The following BLK variants were observed in gnomAD, a reference collection of about 807,000 sequenced individuals.
BLK encodes the protein tyrosine-protein kinase Blk.
In BLK, 64 loss-of-function variants were observed where a neutral mutation model predicts 61.8. The observed-to-expected ratio is 1.03, with a 90% CI of 0.85 to 1.27. BLK has a LOEUF of 1.27. BLK is among the 50% of genes most tolerant of loss of function. The pLI, the probability that BLK is intolerant of heterozygous loss-of-function variation, is 0.00. For missense variants in BLK, 853 were observed against 660.5 expected, an observed-to-expected ratio of 1.29 and a Z score of -3.19; for synonymous variants, 351 against 272.0, an observed-to-expected ratio of 1.29 and a Z score of -2.86.
intron 8 of BLK, chr8:11,555,900 A>C (rs560646470): frequency 4.4e-4 from 145 of 332,696 alleles, no homozygotes; most frequent in Non-Finnish European, 7.5e-4. Flanking sequence ...GACTTTGGCC[A>C]AGTCACTGAA....
At chr8:11,526,963 CT>C (rs1799680248) in intron 1 of BLK, among the ~76,000 whole-genome samples, 1 of 152,120 alleles carries the variant, frequency 6.6e-6, no homozygotes, top group Non-Finnish European at 1.5e-5. Flanking sequence ...TTTATGAAGC[CT>C]CTTTCGTTTT....
At chr8:11,550,512 A>G (rs1415926028) in intron 6 of BLK, among the ~76,000 whole-genome samples, 2 of 152,242 alleles carry the variant, frequency 1.3e-5, no homozygotes, top group African/African-American at 4.8e-5. Flanking sequence ...CCCACGCCAG[A>G]CTGGCCCTGC....
chr8:11,542,640 C>T (rs894970366), intron 1 of BLK, among the ~76,000 whole-genome samples: 2 of 152,198 alleles, frequency 1.3e-5, no homozygotes, highest in Non-Finnish European at 2.9e-5. Context: ...CACATCTTCC[C>T]CCCTTTAAGG....
Position 11,550,191 on chromosome 8 carries a change from C to A in BLK, c.401C>A (p.Ala134Asp). 6.2e-7 allele frequency: 1 copy of A among 1,614,152 alleles called. No homozygotes were observed. The highest frequency in any genetic ancestry group is 1.7e-4 in the Middle Eastern group (1 of 6,030). The change falls in exon 6 of 13, where the codon GCT (alanine) becomes GAT (aspartate). Residue 134 changes from alanine to aspartate, a missense_variant. Ala to Asp is a moderately radical substitution (Grantham distance 126, BLOSUM62 -2). Transcript: ENST00000259089. ...TTTAGATCACAGGGTCGGAAGGAGGCTGAGAGGCAGCTTCTTGCTCCAATC... is the reference window on the plus strand; with the variant it reads ...TTTAGATCACAGGGTCGGAAGGAGGATGAGAGGCAGCTTCTTGCTCCAATC... ...WFFRSQGRKE[A>D]ERQLLAPINK...
chr8:11,520,835 C>G (rs1254677319), intron 1 of BLK, among the ~76,000 whole-genome samples: 3 of 152,046 alleles, frequency 2.0e-5, no homozygotes, highest in African/African-American at 7.2e-5. Context: ...AATAAGAGAA[C>G]TGAAATAGAC....
At chr8:11,500,927 G>C (rs1011533507) in intron 1 of BLK, among the ~76,000 whole-genome samples, 9 of 151,700 alleles carry the variant, frequency 5.9e-5, no homozygotes, top group African/African-American at 2.2e-4. Flanking sequence ...TTTTTATTTT[G>C]GCCAGGCGTG....
Position 11,554,818 on chromosome 8 carries a change from A to G in BLK, c.548A>G (p.Asp183Gly). Residue 183 changes from aspartate to glycine, a missense_variant, in exon 7 of 13, where the codon GAT (aspartate) becomes GGT (glycine). By Grantham distance (94) the Asp-to-Gly change is moderately conservative (BLOSUM62 -1). Transcript: ENST00000259089. ...LIKHYKIRCL[D>G]EGGYYISPRI... ...AAGCACTATAAGATCCGCTGCCTGG[A>G]TGAAGGGGGCTACTACATCTCCCCC... 1 of 1,614,038 alleles carries G rather than the reference A, an allele frequency of 6.2e-7. No individual in the cohort carries two copies. The highest frequency in any genetic ancestry group is 1.1e-5 in the South Asian group (1 of 91,070).
Position 11,564,129 on chromosome 8 carries a change from C to A in BLK, c.*21C>A, listed in dbSNP as rs1265941385. ...CCTAGCCGGCCGCGCCCGCCTGCGC[C>A]CCGTGCCCACCTCTGCGCGGACGAC... On this transcript the variant is annotated 3_prime_UTR_variant, in exon 13 of 13. Coordinates refer to ENST00000259089, the MANE Select transcript of BLK (RefSeq NM_001715.3). 3.2e-6 allele frequency: 5 copies of A among 1,542,066 alleles called. No homozygotes were observed. Among genetic ancestry groups the A allele is most frequent in the Non-Finnish European group, 4.4e-6 (5 of 1,149,158 alleles).
At chr8:11,524,320 A>G (rs1334089086) in intron 1 of BLK, among the ~76,000 whole-genome samples, 6 of 152,298 alleles carry the variant, frequency 3.9e-5, no homozygotes, top group African/African-American at 9.6e-5. Context: ...AACATTCACA[A>G]CGATTTTCCA....
At chr8:11,520,828 A>G (rs1343582173) in intron 1 of BLK, among the ~76,000 whole-genome samples, 3 of 152,232 alleles carry the variant, frequency 2.0e-5, no homozygotes, top group African/African-American at 7.2e-5. Context: ...TAGAGCTAAT[A>G]AGAGAACTGA....
At chr8:11,549,482 C>T (rs1039005674) in intron 5 of BLK, among the ~76,000 whole-genome samples, 4 of 152,226 alleles carry the variant, frequency 2.6e-5, no homozygotes, top group African/African-American at 4.8e-5. Context: ...GCTCAGCCCT[C>T]GGGGGCTCCC....
intron 1 of BLK, among the ~76,000 whole-genome samples, chr8:11,521,723 A>G (rs1461326526): frequency 6.6e-6 from 1 of 152,226 alleles, no homozygotes; most frequent in African/African-American, 2.4e-5. Context: ...GGAGACGCAC[A>G]GTGCCTCCCC....
chr8:11,505,017 C>A (rs1262150761), intron 1 of BLK, among the ~76,000 whole-genome samples: 1 of 152,044 alleles, frequency 6.6e-6, no homozygotes, highest in Non-Finnish European at 1.5e-5. Flanking sequence ...CATAAGAATA[C>A]ACACAGAAAC....
At chr8:11,533,270 A>T (rs2249040) in intron 1 of BLK, among the ~76,000 whole-genome samples, 86,841 of 151,894 alleles carry the variant, frequency 0.57, 25,689 homozygotes, top group Non-Finnish European at 0.65. Context: ...ACATTTTCCA[A>T]TCTCATGTTT....
intron 1 of BLK, among the ~76,000 whole-genome samples, chr8:11,511,272 A>T (rs2061832): frequency 0.018 from 2,721 of 152,248 alleles, 83 homozygotes; most frequent in African/African-American, 0.063. Context: ...GAAGGGGAAC[A>T]TCACACACCG....
chr8:11,524,405 C>A (rs1434592511), intron 1 of BLK, among the ~76,000 whole-genome samples: 1 of 152,080 alleles, frequency 6.6e-6, no homozygotes, highest in Non-Finnish European at 1.5e-5. Flanking sequence ...ATGTGCAGTA[C>A]TTGCTTAATA....
At chr8:11,545,760 T>A in intron 2 of BLK, 1 of 478,734 alleles carries the variant, frequency 2.1e-6, no homozygotes, top group Non-Finnish European at 3.8e-6. Flanking sequence ...AGAGCCAGGA[T>A]GTTAAGCCCA....
chr8:11,547,603 C>T (rs1800705141), intron 3 of BLK, among the ~76,000 whole-genome samples: 1 of 152,218 alleles, frequency 6.6e-6, no homozygotes, highest in Non-Finnish European at 1.5e-5. Context: ...ACCACCCCTA[C>T]TGGGGATAGA....
intron 1 of BLK, among the ~76,000 whole-genome samples, chr8:11,519,687 A>G (rs769917327): frequency 5.9e-5 from 9 of 152,188 alleles, no homozygotes; most frequent in Non-Finnish European, 8.8e-5. Context: ...TATTATCTCA[A>G]TTGTATTGAC....
Sources: allele counts gnomAD v4.1 joint callset (sites outside exome capture counted in the v4.1 genomes callset), GRCh38; gene constraint gnomAD v4.1.1; transcripts MANE v1.5; gene names NCBI Gene and HGNC (gene_info 2026-07-23, HGNC 2026-07-21).